MDGA2: variants seen among roughly 807,000 people sequenced by gnomAD.
The protein encoded by MDGA2 is MAM domain-containing glycosylphosphatidylinositol anchor protein 2.
In MDGA2, 40 loss-of-function variants were observed where a neutral mutation model predicts 117.8. The observed-to-expected ratio is 0.34, with a 90% CI of 0.26 to 0.44. MDGA2 has a LOEUF of 0.44. MDGA2 is among the 20% of genes least tolerant of loss of function. The probability of loss-of-function intolerance (pLI) is 1.00; values close to 1 mark genes in which losing one functional copy is unlikely to be tolerated. For synonymous variants in MDGA2, 452 were observed against 439.0 expected, an observed-to-expected ratio of 1.03 and a Z score of -0.37; for missense variants, 1,123 against 1,250.6, an observed-to-expected ratio of 0.90 and a Z score of 1.54.
At chr14:47,347,683 A>G (rs1033557776) in intron 1 of MDGA2, among the ~76,000 whole-genome samples, 1 of 152,192 alleles carries the variant, frequency 6.6e-6, no homozygotes, top group African/African-American at 2.4e-5. Flanking sequence ...GAATGGAGAT[A>G]AAGATTTGGG....
intron 11 of MDGA2, among the ~76,000 whole-genome samples, chr14:46,878,090 G>T (rs185763197): frequency 3.5e-4 from 53 of 152,012 alleles, no homozygotes; most frequent in African/African-American, 1.1e-3. Context: ...ACGTGTGCAT[G>T]CACACAGAAT....
chr14:46,854,920 T>C, intron 15 of MDGA2, 104 bp downstream of exon 15: 2 of 1,047,412 alleles, frequency 1.9e-6, no homozygotes, highest in South Asian at 4.0e-5. Flanking sequence ...GTGATGCTTA[T>C]ATCGTGGAAT....
intron 1 of MDGA2, among the ~76,000 whole-genome samples, chr14:47,318,810 G>GAAGC (rs1889889968): frequency 6.7e-6 from 1 of 150,058 alleles, no homozygotes; most frequent in Middle Eastern, 3.4e-3. Flanking sequence ...AGGGAGGAAA[G>GAAGC]AAGGAAGGAA....
At chr14:47,467,139 A>C (rs1893620848) in intron 1 of MDGA2, among the ~76,000 whole-genome samples, 1 of 152,094 alleles carries the variant, frequency 6.6e-6, no homozygotes, top group Non-Finnish European at 1.5e-5. Context: ...ACAAAGATTT[A>C]TGACAAATGC....
intron 1 of MDGA2, among the ~76,000 whole-genome samples, chr14:47,330,922 AATT>A (rs1890275476): frequency 6.6e-6 from 1 of 151,908 alleles, no homozygotes. Flanking sequence ...TCTATGAAAA[AATT>A]AGACATTAAT....
intron 1 of MDGA2, among the ~76,000 whole-genome samples, chr14:47,399,483 A>G (rs1003870861): frequency 1.6e-4 from 25 of 152,324 alleles, no homozygotes; most frequent in African/African-American, 6.0e-4. Flanking sequence ...CTGCTTCATT[A>G]TCTTAGAAGA....
At chr14:47,438,557 T>C (rs1892941650) in intron 1 of MDGA2, among the ~76,000 whole-genome samples, 2 of 152,166 alleles carry the variant, frequency 1.3e-5, no homozygotes, top group Admixed American at 6.5e-5. Flanking sequence ...TAAACCAGTA[T>C]AGCTACTTCC....
rs779419974 is a variant in MDGA2 at position 47,606,584 on chromosome 14, A to T, written c.280+67933T>A. On this transcript the variant is annotated intron_variant, in intron 1 of 16. Coordinates refer to ENST00000399232, the MANE Select transcript of MDGA2 (RefSeq NM_001113498.3). ...TTGGAATCATGGCCTCCAGCTAAAA[A>T]CTTACATCTGAGGCTAAATACTAAA... Among the ~76,000 whole-genome samples the T allele has an allele frequency of 2.4e-4, 37 of 152,296 alleles. No homozygotes were observed. The Middle Eastern group carries it at 0.014, about 56-fold the overall frequency.
At chr14:46,972,976 A>G (rs1595080008) in intron 8 of MDGA2, among the ~76,000 whole-genome samples, 1 of 152,234 alleles carries the variant, frequency 6.6e-6, no homozygotes, top group Non-Finnish European at 1.5e-5. Flanking sequence ...CTTAACAGAC[A>G]CCTCACCAAA....
chr14:47,058,402 C>A (rs1240494226), intron 7 of MDGA2, among the ~76,000 whole-genome samples: 1 of 152,142 alleles, frequency 6.6e-6, no homozygotes. Flanking sequence ...GAATCTAACA[C>A]ATCACCACAT....
At chr14:47,112,329 C>G (rs920213995) in intron 5 of MDGA2, among the ~76,000 whole-genome samples, 1 of 152,082 alleles carries the variant, frequency 6.6e-6, no homozygotes, top group Non-Finnish European at 1.5e-5. Context: ...TGGTTTTCTG[C>G]ACCTATAAAC....
intron 1 of MDGA2, among the ~76,000 whole-genome samples, chr14:47,539,556 C>T (rs552299361): frequency 6.6e-6 from 1 of 152,128 alleles, no homozygotes; most frequent in Non-Finnish European, 1.5e-5. Flanking sequence ...ATTTTAAGAC[C>T]TGATCATTTC....
rs190389784 is a variant in MDGA2, at chr14:47,395,075, A to G, written c.281-93525T>C. 5.2e-4 allele frequency among the ~76,000 whole-genome samples: 79 copies of G among 152,270 alleles called. 1 individual carries two copies. Among genetic ancestry groups the G allele is most frequent in the African/African-American group, 1.9e-3 (77 of 41,554 alleles). On this transcript the variant is annotated intron_variant, in intron 1 of 16. Transcript: ENST00000399232. ...GAGGCTGAGGCAGGAGGACAGTTTGAGCCCAGGAGTTCGAGGATGCAGTGA... is the reference window on the plus strand; with the variant it reads ...GAGGCTGAGGCAGGAGGACAGTTTGGGCCCAGGAGTTCGAGGATGCAGTGA...
At chr14:47,009,663 C>G (rs1180036861) in intron 8 of MDGA2, among the ~76,000 whole-genome samples, 1 of 152,032 alleles carries the variant, frequency 6.6e-6, no homozygotes, top group Admixed American at 6.6e-5. Flanking sequence ...GTCATTCTGT[C>G]TTCTCCCAGT....
intron 1 of MDGA2, among the ~76,000 whole-genome samples, chr14:47,668,776 G>A (rs1370916763): frequency 6.6e-6 from 1 of 152,142 alleles, no homozygotes; most frequent in Non-Finnish European, 1.5e-5. Flanking sequence ...GGAGCCTAAG[G>A]AAGACCTTAT....
chr14:47,605,169 T>G (rs1896719976), intron 1 of MDGA2, among the ~76,000 whole-genome samples: 1 of 152,212 alleles, frequency 6.6e-6, no homozygotes, highest in South Asian at 2.1e-4. Context: ...TTAGGTTTAT[T>G]TATTTGCCTT....
intron 1 of MDGA2, among the ~76,000 whole-genome samples, chr14:47,666,420 G>A (rs987797286): frequency 6.7e-6 from 1 of 149,620 alleles, no homozygotes; most frequent in Non-Finnish European, 1.5e-5. Context: ...TCTGTATCTA[G>A]CTCAAGGTTT....
chr14:47,013,939 G>A (rs1887992701), intron 8 of MDGA2, among the ~76,000 whole-genome samples: 2 of 150,984 alleles, frequency 1.3e-5, no homozygotes, highest in Non-Finnish European at 3.0e-5. Context: ...GGGATTACAG[G>A]CCTGCACCAC....
chr14:47,517,287 C>A (rs1020904899), intron 1 of MDGA2, among the ~76,000 whole-genome samples: 15 of 151,978 alleles, frequency 9.9e-5, no homozygotes, highest in African/African-American at 3.6e-4. Context: ...GCTTAAAACA[C>A]CCCAGAGCTC....
Sources: allele counts gnomAD v4.1 joint callset (sites outside exome capture counted in the v4.1 genomes callset), GRCh38; gene constraint gnomAD v4.1.1; transcripts MANE v1.5; gene names NCBI Gene and HGNC (gene_info 2026-07-23, HGNC 2026-07-21).